The following TVP23C variants were observed in gnomAD, a reference collection of about 807,000 sequenced individuals.
TVP23C encodes trans-golgi network vesicle protein 23 homolog C.
A neutral mutation model predicts 28.7 loss-of-function variants in TVP23C; 19 were observed. The observed-to-expected ratio is 0.66, with a 90% CI of 0.46 to 0.97. TVP23C has a LOEUF of 0.97. TVP23C is among the 50% of genes least tolerant of loss of function. The probability of loss-of-function intolerance (pLI) is 0.00; values close to 1 mark genes in which losing one functional copy is unlikely to be tolerated. For missense variants in TVP23C, 186 were observed against 241.3 expected (o/e 0.77, Z 1.52); for synonymous variants, 68 against 81.7 (o/e 0.83, Z 0.90).
At chr17:15,507,392 C>T (rs1218470573) in intron 5 of TVP23C, 8 of 631,330 alleles carry the variant, frequency 1.3e-5, no homozygotes, top group Admixed American at 2.1e-5. Context: ...TGGACCATTC[C>T]TTCTGTAGCT....
At chr17:15,505,781 C>T (rs957652791) in intron 5 of TVP23C, among the ~76,000 whole-genome samples, 43 of 144,060 alleles carry the variant, frequency 3.0e-4, no homozygotes, top group African/African-American at 1.0e-3. Context: ...TGGCGGGCCC[C>T]GCACTCGGAG....
chr17:15,522,029 C>A (rs1390184086), intron 5 of TVP23C, among the ~76,000 whole-genome samples: 1 of 152,244 alleles, frequency 6.6e-6, no homozygotes, highest in East Asian at 1.9e-4. Flanking sequence ...AAACAAGTCA[C>A]GTGGTTAAGC....
chr17:15,542,189 T>C (rs534637170), intron 5 of TVP23C, among the ~76,000 whole-genome samples: 4 of 152,008 alleles, frequency 2.6e-5, no homozygotes, highest in African/African-American at 9.7e-5. Flanking sequence ...CCCAGGAACT[T>C]ATAGAAAAGC....
At chr17:15,543,190 C>T (rs1229802558) in intron 5 of TVP23C, among the ~76,000 whole-genome samples, 2 of 143,286 alleles carry the variant, frequency 1.4e-5, no homozygotes, top group Non-Finnish European at 3.1e-5. Flanking sequence ...GCACATCACA[C>T]CTGTGCCTTC....
chr17:15,530,679 G>GTCT (rs1263619528), intron 5 of TVP23C: 5 of 151,552 alleles, frequency 3.3e-5, no homozygotes, highest in Non-Finnish European at 5.9e-5. Flanking sequence ...TCTGAAGGAT[G>GTCT]TCTTTTAGCA....
chr17:15,536,191 CA>C (rs1049254433), downstream of TVP23C, among the ~76,000 whole-genome samples: 267 of 147,726 alleles, frequency 1.8e-3, 1 homozygote, highest in Non-Finnish European at 2.9e-3. Context: ...AACTCTGTTT[CA>C]AAAAAAAAAA....
chr17:15,555,849 G>A (rs750713386), intron 1 of TVP23C, among the ~76,000 whole-genome samples: 47 of 151,916 alleles, frequency 3.1e-4, no homozygotes, highest in Non-Finnish European at 2.1e-4. Context: ...ATGCCTCCTC[G>A]GGGATTTGTT....
chr17:15,508,089 C>T (rs1218009292), intron 5 of TVP23C, among the ~76,000 whole-genome samples: 1 of 152,160 alleles, frequency 6.6e-6, no homozygotes, highest in East Asian at 1.9e-4. Flanking sequence ...TTTGTAAATA[C>T]TTGTGGTCTG....
downstream of TVP23C, among the ~76,000 whole-genome samples, chr17:15,535,298 TC>T (rs532053917): frequency 6.6e-6 from 1 of 151,690 alleles, no homozygotes; most frequent in Non-Finnish European, 1.5e-5. Context: ...TCATGTGAAT[TC>T]CAAGACTAAT....
chr17:15,554,060 C>T (rs1984016794), intron 2 of TVP23C, among the ~76,000 whole-genome samples: 1 of 152,078 alleles, frequency 6.6e-6, no homozygotes, highest in Admixed American at 6.6e-5. Flanking sequence ...ACTTTAACAC[C>T]TCATTGAATA....
At chr17:15,520,862 G>A (rs956141271) in intron 5 of TVP23C, among the ~76,000 whole-genome samples, 3 of 151,672 alleles carry the variant, frequency 2.0e-5, no homozygotes, top group African/African-American at 7.3e-5. Flanking sequence ...CAGTTTGCAT[G>A]TTTGTCTAGA....
At chr17:15,561,650 A>G (rs796217924) in intron 1 of TVP23C, among the ~76,000 whole-genome samples, 10 of 152,278 alleles carry the variant, frequency 6.6e-5, no homozygotes, top group African/African-American at 1.9e-4. Context: ...ATAAATAAAT[A>G]AATAAATAAA....
exon 6 of TVP23C, chr17:15,502,817 T>C: frequency 7.0e-7 from 1 of 1,430,082 alleles, no homozygotes; most frequent in East Asian, 2.3e-5. Flanking sequence ...CTCCTCTCTC[T>C]CTCTCTCTCT....
At chr17:15,503,214 C>A in exon 6 of TVP23C, 6 of 1,538,530 alleles carry the variant, frequency 3.9e-6, no homozygotes, top group Non-Finnish European at 5.2e-6. Context: ...CCAGTCTGGG[C>A]AATGTGGCGA....
chr17:15,518,468 T>C (rs956644155), intron 5 of TVP23C, among the ~76,000 whole-genome samples: 6 of 152,188 alleles, frequency 3.9e-5, no homozygotes, highest in African/African-American at 1.4e-4. Flanking sequence ...GCAATACCTA[T>C]GTAACTCCTA....
chr17:15,538,637 A>G lies in TVP23C; in HGVS notation c.*1775T>C. ...AAGTAGACATGCGCTAATGAAGTAAATCCATGGATACCATCATCCACCCAG... is the reference window on the plus strand; with the variant it reads ...AAGTAGACATGCGCTAATGAAGTAAGTCCATGGATACCATCATCCACCCAG... On this transcript the variant is annotated 3_prime_UTR_variant, in exon 6 of 6. Coordinates refer to ENST00000518321, the MANE Select transcript of TVP23C (RefSeq NM_001135036.2). 1.0e-6 allele frequency: 1 copy of G among 985,308 alleles called. No homozygotes were observed. The highest frequency in any genetic ancestry group is 1.2e-6 in the Non-Finnish European group (1 of 829,868). The allele number at this position is 985,308 out of a possible 1,614,324, so 61.0% of individuals were successfully genotyped here.
Position 15,553,929 on chromosome 17 carries a change from G to A in TVP23C, c.96-100C>T, listed in dbSNP as rs540738348. On this transcript the variant is annotated intron_variant, in intron 2 of 5. Coordinates refer to ENST00000518321, the MANE Select transcript of TVP23C (RefSeq NM_001135036.2). ...TTTAGCCATCGTGTAACTGTGAAGA[G>A]TTTTGTCAAAATAAAAGAGGTGACT... 1.0e-3 allele frequency: 1,626 copies of A among 1,570,562 alleles called. 2 individuals carry two copies. The highest frequency in any genetic ancestry group is 1.3e-3 in the Non-Finnish European group (1,485 of 1,154,846).
At chr17:15,512,909 G>A (rs925638234) in intron 5 of TVP23C, among the ~76,000 whole-genome samples, 1 of 152,078 alleles carries the variant, frequency 6.6e-6, no homozygotes, top group Non-Finnish European at 1.5e-5. Context: ...GAAGGCTGAG[G>A]ACATTTCACA....
At chr17:15,561,329 C>T (rs530243946) in intron 1 of TVP23C, among the ~76,000 whole-genome samples, 1 of 152,260 alleles carries the variant, frequency 6.6e-6, no homozygotes, top group African/African-American at 2.4e-5. Context: ...CCGGGCCTGG[C>T]GGCTCACGCC....
Sources: allele counts gnomAD v4.1 joint callset (sites outside exome capture counted in the v4.1 genomes callset), GRCh38; gene constraint gnomAD v4.1.1; transcripts MANE v1.5; gene names NCBI Gene and HGNC (gene_info 2026-07-23, HGNC 2026-07-21).